Variants in ABHD5 observed in about 807,000 individuals in gnomAD.
ABHD5 encodes abhydrolase domain containing 5, lysophosphatidic acid acyltransferase.
In ABHD5, 30 loss-of-function variants were observed where a neutral mutation model predicts 44.9. That is an observed-to-expected ratio of 0.67 (90% confidence interval 0.50 to 0.91). The LOEUF (loss-of-function observed/expected upper bound fraction) is 0.91. Ranked by LOEUF, ABHD5 falls within the 40% of genes least tolerant of loss-of-function variation. The probability of loss-of-function intolerance (pLI) is 0.00; values close to 1 mark genes in which losing one functional copy is unlikely to be tolerated. For missense variants in ABHD5, 399 were observed against 423.4 expected (o/e 0.94, Z 0.50); for synonymous variants, 167 against 147.0 (o/e 1.14, Z -0.99).
intron 7 of ABHD5, among the ~76,000 whole-genome samples, chr3:43,730,985 C>G (rs553733661): frequency 6.6e-6 from 1 of 152,106 alleles, no homozygotes; most frequent in East Asian, 1.9e-4. Context: ...CATGCCAACA[C>G]GCCTGGCTAA....
rs1215523004 is a variant in ABHD5 at position 43,722,492 on chromosome 3, A to G, written c.*3960A>G. On this transcript the variant is annotated 3_prime_UTR_variant, in exon 7 of 7. Transcript: ENST00000644371. ...AGGGAGCTAGACAAGGATGGCAACT[A>G]TTTCTGTATCTTACATACCTTTTAT... 3 of 152,192 alleles carry G rather than the reference A, an allele frequency of 2.0e-5. No individual in the cohort carries two copies. The highest frequency in any genetic ancestry group is 1.5e-5 in the Non-Finnish European group (1 of 68,030). The allele number at this position is 152,192 out of a possible 1,614,324, so 9.4% of individuals were successfully genotyped here. A position where few individuals can be genotyped will look rare whatever the true frequency, so the allele number is the denominator to read the frequency against.
At chr3:43,711,652 T>G in intron 3 of ABHD5, 57 bp from the exon 4 acceptor site, 1 of 1,594,230 alleles carries the variant, frequency 6.3e-7, no homozygotes, top group Non-Finnish European at 8.6e-7. Context: ...TGTTAGCTCT[T>G]TATAGTCTTA....
At position 43,711,880 on chromosome 3, in the gene ABHD5, T is replaced by C. The variant is rs1309066982; in HGVS notation, c.661+17T>C. The C allele has an allele frequency of 8.1e-6, 13 of 1,613,998 alleles. No individual in the cohort carries two copies. Among genetic ancestry groups the C allele is most frequent in the African/African-American group, 5.3e-5 (4 of 74,932 alleles). ...GACCCTTTGGTGAGTGCTTATGTTC[T>C]AGGAAAGCAAAATGTTTGTAAGTTA... On this transcript the variant is annotated intron_variant, in intron 4 of 6. Transcript: ENST00000644371.
chr3:43,702,236 A>C lies in ABHD5; in HGVS notation c.155A>C (p.Lys52Thr). 6.3e-7 allele frequency: 1 copy of C among 1,589,414 alleles called. No homozygotes were observed. Among genetic ancestry groups the C allele is most frequent in the Non-Finnish European group, 8.6e-7 (1 of 1,164,822 alleles). Reference sequence around the variant, plus strand: ...TTAGGTGTGCCTTGCACATACAAAAAAGAACCTGTTCGTATATCTAATGGA... The same window carrying C: ...TTAGGTGTGCCTTGCACATACAAAACAGAACCTGTTCGTATATCTAATGGA... ...MLKCVPCTYK[K>T]EPVRISNGNK... Residue 52 changes from lysine (K) to threonine (T), a missense_variant, in exon 3 of 7, where the codon AAA becomes ACA. Physicochemically the swap from Lys to Thr is moderately conservative, Grantham distance 78. Transcript: ENST00000644371.
chr3:43,693,750 CTTT>C (rs11294193), intron 1 of ABHD5, among the ~76,000 whole-genome samples: 12 of 140,270 alleles, frequency 8.6e-5, no homozygotes, highest in Admixed American at 1.4e-4. Context: ...AGTTTCTCCT[CTTT>C]TTTTTTTTTT....
In ABHD5 at chr3:43,721,965, T is replaced by C. The variant is rs1479529965; in HGVS notation, c.*3433T>C. On this transcript the variant is annotated 3_prime_UTR_variant, in exon 7 of 7. Transcript: ENST00000644371. ...GGAAAATCCAAGTTAGGCAATGCACTCTGTTGAGACAATAGGGAAACAGGC... is the reference window on the plus strand; with the variant it reads ...GGAAAATCCAAGTTAGGCAATGCACCCTGTTGAGACAATAGGGAAACAGGC... 1 of 152,232 alleles carries C rather than the reference T, an allele frequency of 6.6e-6. No individual in the cohort carries two copies. The highest frequency in any genetic ancestry group is 1.5e-5 in the Non-Finnish European group (1 of 68,044). The allele number at this position is 152,232 out of a possible 1,614,324, so 9.4% of individuals were successfully genotyped here.
intron 6 of ABHD5, 41 bp downstream of exon 6, chr3:43,717,898 G>T (rs1281098088): frequency 6.2e-7 from 1 of 1,612,556 alleles, no homozygotes; most frequent in South Asian, 1.1e-5. Flanking sequence ...GTATAGGTGA[G>T]GTCCGTTTTA....
In ABHD5 at chr3:43,699,346, G is replaced by T; in HGVS notation, c.118G>T (p.Glu40Ter). 6.2e-7 allele frequency: 1 copy of T among 1,613,598 alleles called. No homozygotes were observed. The highest frequency in any genetic ancestry group is 1.1e-5 in the South Asian group (1 of 91,058). ...TATATCACACCTTAAAGAAGCTGAA[G>T]AGAAGATGTTAAAATGTAAGGCTTT... ...TSISHLKEAE[E>*]KMLKCVPCTY... Residue 40 changes from glutamate to a stop codon, truncating the protein, a stop_gained, in exon 2 of 7, where the codon GAG becomes TAG. Coordinates refer to ENST00000644371, the MANE Select transcript of ABHD5 (RefSeq NM_016006.6). LOFTEE classifies it high-confidence loss of function.
intron 7 of ABHD5, among the ~76,000 whole-genome samples, chr3:43,733,069 A>G (rs928357481): frequency 1.3e-5 from 2 of 152,310 alleles, no homozygotes; most frequent in Admixed American, 6.5e-5. Context: ...AGCAGTTACA[A>G]CCTTGTGCAG....
At position 43,716,759 on chromosome 3, in the gene ABHD5, T is replaced by A. The variant is rs1484566960; in HGVS notation, c.774-912T>A. ...TTTTCCTGCATGGCGTAAGTTTTAC[T>A]CTTCACGTACTCTTATTTCATGATT... On this transcript the variant is annotated intron_variant, in intron 5 of 6. Coordinates refer to ENST00000644371, the MANE Select transcript of ABHD5 (RefSeq NM_016006.6). 3.3e-5 allele frequency among the ~76,000 whole-genome samples: 5 copies of A among 152,336 alleles called. No individual in the cohort carries two copies. In the East Asian group the frequency reaches 9.7e-4, roughly 29 times the overall value.
At position 43,720,704 on chromosome 3, in the gene ABHD5, G is replaced by A. The variant is rs1032378799; in HGVS notation, c.*2172G>A. 13 of 152,106 alleles carry A rather than the reference G, an allele frequency of 8.5e-5. No individual in the cohort carries two copies. The allele number at this position is 152,106 out of a possible 1,614,324, so 9.4% of individuals were successfully genotyped here. A position where few individuals can be genotyped will look rare whatever the true frequency, so the allele number is the denominator to read the frequency against. On this transcript the variant is annotated 3_prime_UTR_variant, in exon 7 of 7. Coordinates refer to ENST00000644371, the MANE Select transcript of ABHD5 (RefSeq NM_016006.6). ...TTCCTGTGATAGTCACAACAAGACA[G>A]CTGTATAGTTTCTTGAGTCTTTTGT...
rs1575607395 is a variant in ABHD5, at chr3:43,717,823, A to C, written c.926A>C (p.Gln309Pro). The C allele has an allele frequency of 1.2e-6, 2 of 1,614,244 alleles. No homozygotes were observed. Among genetic ancestry groups the C allele is most frequent in the African/African-American group, 1.3e-5 (1 of 75,060 alleles). ...CIDGNSGTSI[Q>P]SLRPHSYVKT... The stretch of plus-strand genomic sequence containing the variant: ...GATGGCAATTCTGGCACCAGCATCC[A>C]GTCCTTACGACCACATTCATATGTG... The change falls in exon 6 of 7, where the codon CAG becomes CCG. Residue 309 changes from glutamine to proline, a missense_variant. Physicochemically the swap from Gln to Pro is moderately conservative, Grantham distance 76 (BLOSUM62 -1). Coordinates refer to ENST00000644371, the MANE Select transcript of ABHD5 (RefSeq NM_016006.6).
chr3:43,696,246 T>C (rs2084473067), intron 1 of ABHD5, among the ~76,000 whole-genome samples: 1 of 152,242 alleles, frequency 6.6e-6, no homozygotes, highest in Non-Finnish European at 1.5e-5. Context: ...GCTTGTCTCC[T>C]TAAATAAAAT....
At chr3:43,714,135 T>TC (rs1231122470) in intron 4 of ABHD5, among the ~76,000 whole-genome samples, 8 of 148,196 alleles carry the variant, frequency 5.4e-5, no homozygotes, top group Admixed American at 1.3e-4. Context: ...CTTTCTTTTT[T>TC]TCTTTTTTTT....
intron 3 of ABHD5, among the ~76,000 whole-genome samples, chr3:43,708,625 C>A (rs2084651560): frequency 6.6e-6 from 1 of 152,186 alleles, no homozygotes; most frequent in Non-Finnish European, 1.5e-5. Context: ...TGGCCACCAA[C>A]CTGAGTGCTT....
rs931759021 is a variant in ABHD5, at chr3:43,720,852, C to G, written c.*2320C>G. ...GTTGTGGCCGCCATACATGGCTTTA[C>G]CTGGGTCCATGCATTCCCTTAAGAT... On this transcript the variant is annotated 3_prime_UTR_variant, in exon 7 of 7. Transcript: ENST00000644371. The G allele has an allele frequency of 6.6e-6, 1 of 151,924 alleles. No individual in the cohort carries two copies. Among genetic ancestry groups the G allele is most frequent in the African/African-American group, 2.4e-5 (1 of 41,366 alleles). The allele number at this position is 151,924 out of a possible 1,614,324, so 9.4% of individuals were successfully genotyped here.
rs749152193 is a variant in ABHD5, at chr3:43,715,071, A to T, written c.773+13A>T. On this transcript the variant is annotated intron_variant, in intron 5 of 6. Coordinates refer to ENST00000644371, the MANE Select transcript of ABHD5 (RefSeq NM_016006.6). ...TGCAGACTCCAAGGTGAGGGTTAGGATTCTCAATTCACTCTGTGTGTGTGT... is the reference window on the plus strand; with the variant it reads ...TGCAGACTCCAAGGTGAGGGTTAGGTTTCTCAATTCACTCTGTGTGTGTGT... 5 of 1,463,078 alleles carry T rather than the reference A, an allele frequency of 3.4e-6. No homozygotes were observed. Among genetic ancestry groups the T allele is most frequent in the Non-Finnish European group, 4.7e-6 (5 of 1,056,394 alleles). 90.6% of individuals were successfully genotyped at this position (1,463,078 alleles called of 1,614,324 possible). A position where few individuals can be genotyped will look rare whatever the true frequency, so the allele number is the denominator to read the frequency against.
rs1374255551 is a variant in ABHD5, at chr3:43,699,320, C to G, written c.92C>G (p.Ser31Cys). The G allele has an allele frequency of 6.2e-7, 1 of 1,614,072 alleles. No homozygotes were observed. Among genetic ancestry groups the G allele is most frequent in the South Asian group, 1.1e-5 (1 of 91,082 alleles). The stretch of plus-strand genomic sequence containing the variant: ...TGGCTCCCCACATGGTGCCCTACGT[C>G]TATATCACACCTTAAAGAAGCTGAA... ...TGWLPTWCPTSISHLKEAEEK... is the reference protein window; with the variant it reads ...TGWLPTWCPTCISHLKEAEEK... The change falls in exon 2 of 7, where the codon TCT becomes TGT. Residue 31 changes from serine to cysteine, a missense_variant. By Grantham distance (112) the Ser-to-Cys change is moderately radical (BLOSUM62 -1). Coordinates refer to ENST00000644371, the MANE Select transcript of ABHD5 (RefSeq NM_016006.6).
intron 1 of ABHD5, among the ~76,000 whole-genome samples, chr3:43,694,382 T>G (rs115576710): frequency 1.6e-3 from 240 of 152,250 alleles, no homozygotes; most frequent in African/African-American, 5.6e-3. Flanking sequence ...CCACTCCTGA[T>G]TGTGAGTTAC....
Sources: gnomAD v4.1 joint callset for allele counts (sites outside exome capture counted in the v4.1 genomes callset) on GRCh38, gnomAD v4.1.1 for gene constraint, MANE v1.5 for transcripts, NCBI Gene and HGNC (gene_info 2026-07-23, HGNC 2026-07-21) for gene names.